The following STON2 variants were observed in gnomAD, a reference collection of about 807,000 sequenced individuals.
STON2 encodes stonin 2.
A neutral mutation model predicts 65.7 loss-of-function variants in STON2; 29 were observed. The ratio of observed to expected loss-of-function variants is 0.44; its 90% CI spans 0.33 to 0.60. The LOEUF (loss-of-function observed/expected upper bound fraction) is 0.60, where lower values mean the gene tolerates loss of function less well. Ranked by LOEUF, STON2 falls within the 20% of genes least tolerant of loss-of-function variation. The probability of loss-of-function intolerance (pLI) is 0.03; values close to 1 mark genes in which losing one functional copy is unlikely to be tolerated. For synonymous variants in STON2, 404 were observed against 414.2 expected (o/e 0.98, Z 0.30); for missense variants, 1,054 against 1,118.1 (o/e 0.94, Z 0.82).
At chr14:81,405,051 T>C (rs1273278785), upstream of STON2, among the ~76,000 whole-genome samples, 1 of 152,222 alleles carries the variant, frequency 6.6e-6, no homozygotes, top group Non-Finnish European at 1.5e-5. Context: ...CTGACTATAG[T>C]GCATTTGGAT....
At chr14:81,397,364 C>A (rs1318714364) in intron 2 of STON2, among the ~76,000 whole-genome samples, 1 of 152,112 alleles carries the variant, frequency 6.6e-6, no homozygotes, top group Non-Finnish European at 1.5e-5. Flanking sequence ...TTTAATAATA[C>A]ACATTTCAAC....
chr14:81,278,526 A>T lies in STON2; in HGVS notation c.956T>A (p.Ile319Asn), dbSNP rs756138606. The T allele has an allele frequency of 1.9e-6, 3 of 1,613,898 alleles. No individual in the cohort carries two copies. Among genetic ancestry groups the T allele is most frequent in the Non-Finnish European group, 2.5e-6 (3 of 1,179,960 alleles). The change falls in exon 6 of 8, where the codon ATC becomes AAC. Residue 319 changes from isoleucine to asparagine, a missense_variant. By Grantham distance (149) the Ile-to-Asn change is moderately radical (BLOSUM62 -3). Transcript: ENST00000614646. ...KPNTPPSASV[I>N]PDVPYNSMGS... ...CATTGAATTATAAGGTACATCTGGG[A>T]TCACAGATGCACTTGGTGGTGTATT...
chr14:81,322,536 G>T (rs1896857570), intron 5 of STON2, among the ~76,000 whole-genome samples: 1 of 152,068 alleles, frequency 6.6e-6, no homozygotes, highest in East Asian at 1.9e-4. Flanking sequence ...ATCAGCCAAG[G>T]GGAAACTAGA....
intron 2 of STON2, among the ~76,000 whole-genome samples, chr14:81,423,792 G>A (rs1019094983): frequency 1.4e-4 from 22 of 152,238 alleles, no homozygotes; most frequent in African/African-American, 4.1e-4. Flanking sequence ...ACAAGAAACC[G>A]ACGCATCCCA....
chr14:81,420,372 C>T (rs982468661), intron 2 of STON2, among the ~76,000 whole-genome samples: 4 of 152,232 alleles, frequency 2.6e-5, no homozygotes, highest in African/African-American at 9.6e-5. Context: ...TATTTATGCT[C>T]ATGGAGCATC....
chr14:81,372,947 C>G (rs1899071539), intron 3 of STON2, among the ~76,000 whole-genome samples: 1 of 152,158 alleles, frequency 6.6e-6, no homozygotes, highest in African/African-American at 2.4e-5. Context: ...GCATTTAGGT[C>G]CTTTTTCTGG....
chr14:81,270,150 C>T (rs1894515157), intron 7 of STON2: 19 of 636,254 alleles, frequency 3.0e-5, no homozygotes, highest in Non-Finnish European at 3.7e-5. Context: ...TACAGTGGTG[C>T]AATCATGGCT....
chr14:81,408,514 G>C (rs181264585), intron 2 of STON2, among the ~76,000 whole-genome samples: 1 of 152,126 alleles, frequency 6.6e-6, no homozygotes. Context: ...CCTAACCCTA[G>C]GTGGCTTCCT....
chr14:81,434,346 AC>A (rs1170890446), intron 1 of STON2, among the ~76,000 whole-genome samples: 1 of 151,750 alleles, frequency 6.6e-6, no homozygotes, highest in African/African-American at 2.4e-5. Context: ...CTCTCTTACT[AC>A]CCCCAGCAGC....
Position 81,265,771 on chromosome 14 carries a change from A to C in STON2, c.*2643T>G. The C allele has an allele frequency of 1.0e-6, 1 of 985,232 alleles. No homozygotes were observed. Among genetic ancestry groups the C allele is most frequent in the Non-Finnish European group, 1.2e-6 (1 of 829,852 alleles). 61.0% of individuals were successfully genotyped at this position (985,232 alleles called of 1,614,324 possible). On this transcript the variant is annotated 3_prime_UTR_variant, in exon 8 of 8. Transcript: ENST00000614646. Reference sequence around the variant, plus strand: ...CAACTCTTGGTAAAAAAAACAAAAAAGTCCAGGTGCATGTACACAGGAAAT... The same window carrying C: ...CAACTCTTGGTAAAAAAAACAAAAACGTCCAGGTGCATGTACACAGGAAAT...
intron 6 of STON2, among the ~76,000 whole-genome samples, chr14:81,272,289 G>C (rs1370464488): frequency 6.6e-6 from 1 of 152,208 alleles, no homozygotes; most frequent in Non-Finnish European, 1.5e-5. Context: ...CACTTTGTCT[G>C]AGTTATAACC....
rs200607064 is a variant in STON2 at position 81,365,760 on chromosome 14, T to TA, written c.571+5227dup. The stretch of plus-strand genomic sequence containing the variant: ...GACAGAACAAGACTCTGTCTCAAAA[T>TA]AAAAAAATTAAAAAATAAAAAAAAG... On this transcript the variant is annotated intron_variant, in intron 4 of 7. Coordinates refer to ENST00000614646, the MANE Select transcript of STON2 (RefSeq NM_001394390.1). Among the ~76,000 whole-genome samples, 153 of 151,636 alleles carry TA rather than the reference T, an allele frequency of 1.0e-3. No homozygotes were observed. The East Asian group carries it at 0.028, about 28-fold the overall frequency.
At chr14:81,314,423 T>A (rs1470898785) in intron 5 of STON2, among the ~76,000 whole-genome samples, 4 of 152,226 alleles carry the variant, frequency 2.6e-5, no homozygotes, top group African/African-American at 9.6e-5. Flanking sequence ...TCTGTGCTGT[T>A]TGTGAAGAAA....
chr14:81,354,881 G>C (rs1898162426), intron 4 of STON2, among the ~76,000 whole-genome samples: 1 of 152,070 alleles, frequency 6.6e-6, no homozygotes, highest in Non-Finnish European at 1.5e-5. Flanking sequence ...GCTGGGCATG[G>C]TGGCACGTTC....
At position 81,261,513 on chromosome 14, in the gene STON2, A is replaced by C. The variant is rs1894143803; in HGVS notation, c.*6901T>G. 3.4e-6 allele frequency: 1 copy of C among 291,634 alleles called. No individual in the cohort carries two copies. The highest frequency in any genetic ancestry group is 5.7e-5 in the East Asian group (1 of 17,400). 18.1% of individuals were successfully genotyped at this position (291,634 alleles called of 1,614,324 possible). On this transcript the variant is annotated 3_prime_UTR_variant, in exon 8 of 8. Coordinates refer to ENST00000614646, the MANE Select transcript of STON2 (RefSeq NM_001394390.1). ...CATAGTTTAAAATTTTTTTAACTAC[A>C]ATTTGATGTTACTAAGAGACAACGA...
At chr14:81,300,300 T>C in intron 5 of STON2, among the ~76,000 whole-genome samples, 1 of 151,328 alleles carries the variant, frequency 6.6e-6, no homozygotes, top group Non-Finnish European at 1.5e-5. Context: ...CTGAAAGGGA[T>C]CACAGATCTA....
In STON2 at chr14:81,396,197, G is replaced by T; in HGVS notation, c.89-19C>A. The T allele has an allele frequency of 3.2e-6, 5 of 1,577,008 alleles. No homozygotes were observed. The highest frequency in any genetic ancestry group is 4.3e-6 in the Non-Finnish European group (5 of 1,162,436). On this transcript the variant is annotated intron_variant, in intron 2 of 7. Coordinates refer to ENST00000614646, the MANE Select transcript of STON2 (RefSeq NM_001394390.1). ...GTGCCCCCTGAAACAGATACCAGACGCCACCATCATGTGAGGAAGGCCGCT... is the reference window on the plus strand; with the variant it reads ...GTGCCCCCTGAAACAGATACCAGACTCCACCATCATGTGAGGAAGGCCGCT...
At chr14:81,424,368 C>T (rs1305505504) in intron 2 of STON2, among the ~76,000 whole-genome samples, 5 of 152,030 alleles carry the variant, frequency 3.3e-5, no homozygotes, top group African/African-American at 1.2e-4. Context: ...CGCTTGAACA[C>T]GGGAAGCTGA....
intron 3 of STON2, among the ~76,000 whole-genome samples, chr14:81,377,781 T>G (rs1899322147): frequency 6.6e-6 from 1 of 152,320 alleles, no homozygotes; most frequent in East Asian, 1.9e-4. Flanking sequence ...TATCTTTTCA[T>G]GTGATTACTT....
Sources: gnomAD v4.1 joint callset for allele counts (sites outside exome capture counted in the v4.1 genomes callset) on GRCh38, gnomAD v4.1.1 for gene constraint, MANE v1.5 for transcripts, NCBI Gene and HGNC (gene_info 2026-07-23, HGNC 2026-07-21) for gene names.